Variants in IL1RAPL1 observed in about 807,000 individuals in gnomAD.
IL1RAPL1 encodes the protein interleukin 1 receptor accessory protein like 1, also known as interleukin-1 receptor accessory protein-like 1.
IL1RAPL1 carries 3 observed loss-of-function variants against 48.4 expected under a neutral mutation model. That is an observed-to-expected ratio of 0.06 (90% CI 0.03 to 0.16). The LOEUF (loss-of-function observed/expected upper bound fraction) is 0.16, where lower values mean the gene tolerates loss of function less well. Ranked by LOEUF, IL1RAPL1 falls within the 10% of genes least tolerant of loss-of-function variation. The pLI is 1.00. For synonymous variants in IL1RAPL1, 185 were observed against 187.7 expected (o/e 0.99, Z 0.12); for missense variants, 349 against 530.6 (o/e 0.66, Z 3.36).
chrX:28,927,735 GACT>G (rs751727678), intron 2 of IL1RAPL1, among the ~76,000 whole-genome samples: 1 of 108,776 alleles, frequency 9.2e-6, no homozygotes, highest in Non-Finnish European at 1.9e-5. Flanking sequence ...TGGCACAGTT[GACT>G]ACTTGCTCCT....
At chrX:29,066,746 A>G (rs1041772140) in intron 2 of IL1RAPL1, among the ~76,000 whole-genome samples, 3 of 112,038 alleles carry the variant, frequency 2.7e-5, no homozygotes, top group Non-Finnish European at 5.6e-5. Flanking sequence ...CCCCTGCCCT[A>G]TGTGCAGGAA....
Position 28,860,709 on chromosome X carries a change from C to T in IL1RAPL1, c.82+71284C>T, listed in dbSNP as rs374473533. Among the ~76,000 whole-genome samples the T allele has an allele frequency of 7.2e-5, 8 of 110,621 alleles. 1 individual carries two copies. Among genetic ancestry groups the T allele is most frequent in the Non-Finnish European group, 1.5e-4 (8 of 52,869 alleles). On this transcript the variant is annotated intron_variant, in intron 2 of 10. Coordinates refer to ENST00000378993, the MANE Select transcript of IL1RAPL1 (RefSeq NM_014271.4). ...CCTGACCTCAGGTGATCCGCCCCCC[C>T]GCTTAGCCTCCCAAAGTGCTGGGAT...
chrX:29,891,808 C>T (rs768275035), intron 6 of IL1RAPL1, among the ~76,000 whole-genome samples: 1 of 111,301 alleles, frequency 9.0e-6, no homozygotes, highest in Non-Finnish European at 1.9e-5. Flanking sequence ...TCTTAAAAGA[C>T]TTTAACCTGT....
chrX:29,255,770 T>G (rs1337704588), intron 2 of IL1RAPL1, among the ~76,000 whole-genome samples: 1 of 111,233 alleles, frequency 9.0e-6, no homozygotes, highest in African/African-American at 3.3e-5. Context: ...GCATCCGTGT[T>G]GCTGCAAAGG....
In IL1RAPL1 at chrX:29,686,759, A is replaced by G. The variant is rs768105428; in HGVS notation, c.778+18255A>G. On this transcript the variant is annotated intron_variant, in intron 6 of 10. Transcript: ENST00000378993. ...TTTTTAGTACAGACGGGGTTTCACC[A>G]TGTTAGCCAGGATGGTCTCGATTCT... Among the ~76,000 whole-genome samples, 15 of 108,931 alleles carry G rather than the reference A, an allele frequency of 1.4e-4. No homozygotes were observed. The South Asian group carries it at 5.6e-3, about 41-fold the overall frequency. The allele number at this position is 108,931 out of a possible 115,157, so 94.6% of individuals were successfully genotyped here.
intron 6 of IL1RAPL1, among the ~76,000 whole-genome samples, chrX:29,703,460 A>G (rs1216516735): frequency 9.1e-6 from 1 of 110,232 alleles, no homozygotes; most frequent in Non-Finnish European, 1.9e-5. Flanking sequence ...CTCCTGCCTT[A>G]GCCTCCCAAG....
chrX:28,798,644 A>G (rs1936641100), intron 2 of IL1RAPL1, among the ~76,000 whole-genome samples: 1 of 112,421 alleles, frequency 8.9e-6, no homozygotes, highest in African/African-American at 3.2e-5. Context: ...GCAACTGGCA[A>G]TTAGCCAATT....
rs751373176 is a variant in IL1RAPL1, at chrX:29,686,120, A to G, written c.778+17616A>G. Reference sequence around the variant, plus strand: ...AGCATAATATTGAAAATAAGAGAGAAACTGACTTTATTCTAGTCTGTGAGA... The same window carrying G: ...AGCATAATATTGAAAATAAGAGAGAGACTGACTTTATTCTAGTCTGTGAGA... On this transcript the variant is annotated intron_variant, in intron 6 of 10. Transcript: ENST00000378993. 8.0e-5 allele frequency among the ~76,000 whole-genome samples: 9 copies of G among 112,032 alleles called. No homozygotes were observed. The South Asian group carries it at 3.4e-3, about 42-fold the overall frequency.
At chrX:28,962,104 A>G (rs955935497) in intron 2 of IL1RAPL1, among the ~76,000 whole-genome samples, 2 of 111,910 alleles carry the variant, frequency 1.8e-5, no homozygotes, top group African/African-American at 6.5e-5. Flanking sequence ...AAGAAGATAT[A>G]TATTTGTTCT....
At chrX:29,016,645 C>A (rs886769776) in intron 2 of IL1RAPL1, among the ~76,000 whole-genome samples, 1 of 111,261 alleles carries the variant, frequency 9.0e-6, no homozygotes, top group Non-Finnish European at 1.9e-5. Flanking sequence ...GTGTCACTTA[C>A]TGTGGATATT....
intron 2 of IL1RAPL1, among the ~76,000 whole-genome samples, chrX:29,118,251 A>G (rs958836727): frequency 8.9e-6 from 1 of 112,371 alleles, no homozygotes; most frequent in Non-Finnish European, 1.9e-5. Flanking sequence ...ACATTTATTG[A>G]TTGTTAAGTG....
chrX:29,633,500 CACAT>C (rs1374919686), intron 5 of IL1RAPL1, among the ~76,000 whole-genome samples: 4 of 107,618 alleles, frequency 3.7e-5, no homozygotes, highest in Admixed American at 1.0e-4. Flanking sequence ...CACACACACA[CACAT>C]ATATATGATA....
intron 2 of IL1RAPL1, among the ~76,000 whole-genome samples, chrX:29,008,318 G>C (rs1179843207): frequency 9.2e-6 from 1 of 108,959 alleles, no homozygotes; most frequent in East Asian, 2.9e-4. Context: ...GGGACTACAG[G>C]CGCCCGCCAC....
At chrX:29,648,675 A>C (rs889144813) in intron 5 of IL1RAPL1, among the ~76,000 whole-genome samples, 1 of 111,986 alleles carries the variant, frequency 8.9e-6, no homozygotes, top group Non-Finnish European at 1.9e-5. Flanking sequence ...AAATGCCTAT[A>C]TCAAAAAAGA....
At chrX:29,890,428 T>C (rs1428796741) in intron 6 of IL1RAPL1, among the ~76,000 whole-genome samples, 1 of 112,003 alleles carries the variant, frequency 8.9e-6, no homozygotes, top group Non-Finnish European at 1.9e-5. Context: ...GGTTGGGGTA[T>C]GGAGAGTGAA....
chrX:29,269,905 G>T (rs975272249), intron 2 of IL1RAPL1, among the ~76,000 whole-genome samples: 3 of 110,903 alleles, frequency 2.7e-5, no homozygotes, highest in Admixed American at 1.9e-4. Context: ...GTTTCCTCAT[G>T]GCCTTTTGTA....
intron 2 of IL1RAPL1, among the ~76,000 whole-genome samples, chrX:29,243,038 CT>C (rs904168729): frequency 1.8e-5 from 2 of 112,016 alleles, no homozygotes; most frequent in African/African-American, 6.5e-5. Context: ...ATTGTGGCTT[CT>C]TTTTGCACAG....
chrX:29,293,367 A>T (rs1932399356), intron 3 of IL1RAPL1, among the ~76,000 whole-genome samples: 1 of 110,159 alleles, frequency 9.1e-6, no homozygotes, highest in African/African-American at 3.3e-5. Flanking sequence ...GATTAAGAAA[A>T]GCTTTGTCTA....
intron 6 of IL1RAPL1, among the ~76,000 whole-genome samples, chrX:29,850,097 T>C (rs1210274188): frequency 8.9e-6 from 1 of 112,076 alleles, no homozygotes; most frequent in East Asian, 2.8e-4. Context: ...TTCTTTGGCA[T>C]TTAAGGGCAC....
Sources: gnomAD v4.1 joint callset for allele counts (sites outside exome capture counted in the v4.1 genomes callset) on GRCh38, gnomAD v4.1.1 for gene constraint, MANE v1.5 for transcripts, NCBI Gene and HGNC (gene_info 2026-07-23, HGNC 2026-07-21) for gene names.